The following AVEN variants were observed in gnomAD, a reference collection of about 807,000 sequenced individuals.
AVEN encodes the protein apoptosis and caspase activation inhibitor.
AVEN carries 41 observed loss-of-function variants against 38.1 expected under a neutral mutation model. That is an observed-to-expected ratio of 1.08 (90% confidence interval 0.84 to 1.40). AVEN has a LOEUF of 1.40. AVEN is among the 40% of genes most tolerant of loss of function. The pLI is 0.00. For missense variants in AVEN, 605 were observed against 438.8 expected (o/e 1.38, Z -3.38); for synonymous variants, 206 against 171.8 (o/e 1.20, Z -1.56).
chr15:33,975,935 G>A (rs1895865804), intron 2 of AVEN, among the ~76,000 whole-genome samples: 1 of 148,718 alleles, frequency 6.7e-6, no homozygotes, highest in South Asian at 2.1e-4. Context: ...CTCAAAAGAA[G>A]AAAAGAAAAG....
At chr15:33,944,415 G>C (rs900222066) in intron 2 of AVEN, among the ~76,000 whole-genome samples, 4 of 152,342 alleles carry the variant, frequency 2.6e-5, no homozygotes, top group African/African-American at 9.6e-5. Flanking sequence ...ATTGTAGGAG[G>C]AAAGTGGACT....
intron 2 of AVEN, among the ~76,000 whole-genome samples, chr15:33,929,999 C>A (rs1893778519): frequency 1.3e-5 from 2 of 152,162 alleles, no homozygotes; most frequent in Non-Finnish European, 2.9e-5. Context: ...CCAGTCCTTT[C>A]TTCATAAGTG....
downstream of AVEN, chr15:33,854,532 A>C: frequency 8.1e-7 from 1 of 1,227,200 alleles, no homozygotes. Flanking sequence ...GGATGCTCAG[A>C]AGGGTTCAGG....
chr15:34,065,081 A>C (rs1393494003), intron 4 of AVEN: 1 of 166,406 alleles, frequency 6.0e-6, no homozygotes, highest in Non-Finnish European at 1.5e-5. Context: ...AGATGGATCA[A>C]GTCTCCACAG....
intron 5 of AVEN, among the ~76,000 whole-genome samples, chr15:34,053,417 A>G (rs1358157978): frequency 6.7e-6 from 1 of 150,356 alleles, no homozygotes; most frequent in East Asian, 1.9e-4. Flanking sequence ...CGTGCTACCT[A>G]CTTCCAAACT....
chr15:34,034,203 G>A (rs1899002085), intron 1 of AVEN, among the ~76,000 whole-genome samples: 1 of 152,166 alleles, frequency 6.6e-6, no homozygotes, highest in Admixed American at 6.5e-5. Flanking sequence ...AGCACTTTGG[G>A]TGGCTGAGGC....
intron 2 of AVEN, chr15:33,972,658 A>C (rs945201224): frequency 1.1e-4 from 16 of 152,248 alleles, no homozygotes; most frequent in Admixed American, 8.5e-4. Flanking sequence ...GGTTCAATTA[A>C]GGAAACAAAA....
At chr15:34,009,433 A>G (rs1897540120) in intron 1 of AVEN, among the ~76,000 whole-genome samples, 1 of 152,234 alleles carries the variant, frequency 6.6e-6, no homozygotes, top group South Asian at 2.1e-4. Context: ...ATAAAACAAT[A>G]TGTGTATAAT....
At chr15:33,931,628 C>A (rs1386631365) in intron 2 of AVEN, among the ~76,000 whole-genome samples, 1 of 152,108 alleles carries the variant, frequency 6.6e-6, no homozygotes, top group Admixed American at 6.6e-5. Flanking sequence ...CCTCGGCCTC[C>A]CAAGTGCTGG....
At chr15:33,896,398 C>T (rs1392902008) in intron 2 of AVEN, among the ~76,000 whole-genome samples, 1 of 152,206 alleles carries the variant, frequency 6.6e-6, no homozygotes, top group Non-Finnish European at 1.5e-5. Context: ...AGTTCTCTCC[C>T]TTACACTCTA....
At chr15:33,861,232 A>G, downstream of AVEN, 2 of 1,279,592 alleles carry the variant, frequency 1.6e-6, no homozygotes, top group South Asian at 2.6e-5. Flanking sequence ...AATAAAGCCA[A>G]TTAGGTCATA....
intron 5 of AVEN, among the ~76,000 whole-genome samples, chr15:34,056,794 A>G (rs1398071315): frequency 1.3e-5 from 2 of 152,168 alleles, no homozygotes; most frequent in Non-Finnish European, 2.9e-5. Flanking sequence ...AGGCAGGCAG[A>G]TCACTTGAGG....
downstream of AVEN, among the ~76,000 whole-genome samples, chr15:33,857,335 G>GTGTGCC (rs2079793207): frequency 6.6e-6 from 1 of 151,966 alleles, no homozygotes; most frequent in East Asian, 1.9e-4. Flanking sequence ...GTCCCTTCAC[G>GTGTGCC]TGTGCCTGTG....
At chr15:33,889,757 T>G (rs1891855595) in intron 2 of AVEN, among the ~76,000 whole-genome samples, 1 of 152,222 alleles carries the variant, frequency 6.6e-6, no homozygotes, top group African/African-American at 2.4e-5. Context: ...TGTCAAAAAT[T>G]AGAGCAAATA....
chr15:33,908,822 A>C (rs1892808589), intron 2 of AVEN, among the ~76,000 whole-genome samples: 1 of 152,224 alleles, frequency 6.6e-6, no homozygotes, highest in East Asian at 1.9e-4. Flanking sequence ...GAGAAACTAC[A>C]AGAGGGCTGG....
chr15:34,038,670 G>GC (rs1899286101), intron 1 of AVEN, 110 bp downstream of exon 1: 1 of 1,028,552 alleles, frequency 9.7e-7, no homozygotes, highest in Admixed American at 5.2e-5. Flanking sequence ...CGGCGCCGCC[G>GC]CCCGTCTGGC....
intron 2 of AVEN, among the ~76,000 whole-genome samples, chr15:33,962,813 G>C (rs1452571619): frequency 6.6e-6 from 1 of 151,682 alleles, no homozygotes; most frequent in South Asian, 2.1e-4. Flanking sequence ...ACAGCTACTT[G>C]GGAGGCTGAG....
chr15:34,006,283 C>T (rs1381339688), intron 1 of AVEN, among the ~76,000 whole-genome samples: 1 of 151,760 alleles, frequency 6.6e-6, no homozygotes, highest in Non-Finnish European at 1.5e-5. Flanking sequence ...TGCAATCCAG[C>T]CCGGGCAACA....
intron 2 of AVEN, among the ~76,000 whole-genome samples, chr15:33,953,307 C>G (rs1894822139): frequency 6.6e-6 from 1 of 151,986 alleles, no homozygotes; most frequent in African/African-American, 2.4e-5. Context: ...TCATATGGAA[C>G]CAAAAAAGAG....
Sources: gnomAD v4.1 joint callset for allele counts (sites outside exome capture counted in the v4.1 genomes callset) on GRCh38, gnomAD v4.1.1 for gene constraint, MANE v1.5 for transcripts, NCBI Gene and HGNC (gene_info 2026-07-23, HGNC 2026-07-21) for gene names.